RAI1: variants seen among roughly 807,000 people sequenced by gnomAD.
The protein encoded by RAI1 is retinoic acid-induced protein 1.
Under a neutral mutation model 123.8 loss-of-function variants are expected in RAI1, and 9 were observed. The observed-to-expected ratio is 0.07, with a 90% CI of 0.04 to 0.13. The LOEUF is 0.13. Ranked by LOEUF, RAI1 falls within the 10% of genes least tolerant of loss-of-function variation. The pLI is 1.00. For synonymous variants in RAI1, 1,231 were observed against 1,127.3 expected (o/e 1.09, Z -1.84); for missense variants, 2,256 against 2,545.8 (o/e 0.89, Z 2.45).
rs2032384477 is a variant in RAI1 at position 17,799,487 on chromosome 17, C to T, written c.5565+974C>T. Among the ~76,000 whole-genome samples, 1 of 152,128 alleles carries T rather than the reference C, an allele frequency of 6.6e-6. No homozygotes were observed. The highest frequency in any genetic ancestry group is 1.5e-5 in the Non-Finnish European group (1 of 68,008). Reference sequence around the variant, plus strand: ...CCCCGGGGCCATGCTTCTGCCCCCACATTCAACCCCGACTCCACTGCCTCA... The same window carrying T: ...CCCCGGGGCCATGCTTCTGCCCCCATATTCAACCCCGACTCCACTGCCTCA... On this transcript the variant is annotated intron_variant, in intron 3 of 5. Transcript: ENST00000353383. This position sits in a 1 kb window ranked among gnomAD's most constrained non-coding sequence, Gnocchi z 4.5.
chr17:17,782,842 G>T (rs1456332223), intron 2 of RAI1, among the ~76,000 whole-genome samples: 2 of 152,162 alleles, frequency 1.3e-5, no homozygotes, highest in African/African-American at 4.8e-5. Context: ...CTTAGATTTT[G>T]CTCTCGGCCT....
rs1214362796 is a variant in RAI1, at chr17:17,692,517, C to G, written c.-149+10724C>G. On this transcript the variant is annotated intron_variant, in intron 1 of 5. Coordinates refer to ENST00000353383, the MANE Select transcript of RAI1 (RefSeq NM_030665.4). Reference sequence around the variant, plus strand: ...TGATCTGCCTGAGGTCACACAGCAACCAAGTGGCAGAGCTAGGATTAGAAA... The same window carrying G: ...TGATCTGCCTGAGGTCACACAGCAAGCAAGTGGCAGAGCTAGGATTAGAAA... Among the ~76,000 whole-genome samples the G allele has an allele frequency of 2.0e-5, 3 of 152,208 alleles. 1 individual carries two copies. Among genetic ancestry groups the G allele is most frequent in the Admixed American group, 2.0e-4 (3 of 15,292 alleles).
In RAI1 at chr17:17,688,439, C is replaced by G. The variant is rs889864780; in HGVS notation, c.-149+6646C>G. 2.0e-5 allele frequency among the ~76,000 whole-genome samples: 3 copies of G among 150,056 alleles called. No homozygotes were observed. In the East Asian group the frequency reaches 6.0e-4, roughly 30 times the overall value. Reference sequence around the variant, plus strand: ...GGTGGAAGTTGGAATGAGCCAAGATCGTGCCTCTGCACTCCAGCCTGGGTG... The same window carrying G: ...GGTGGAAGTTGGAATGAGCCAAGATGGTGCCTCTGCACTCCAGCCTGGGTG... On this transcript the variant is annotated intron_variant, in intron 1 of 5. Coordinates refer to ENST00000353383, the MANE Select transcript of RAI1 (RefSeq NM_030665.4).
chr17:17,764,953 G>A (rs2030864401), intron 2 of RAI1, among the ~76,000 whole-genome samples: 1 of 152,168 alleles, frequency 6.6e-6, no homozygotes, highest in South Asian at 2.1e-4. Context: ...TTTCATTATT[G>A]TGTAGTATTC....
intron 1 of RAI1, among the ~76,000 whole-genome samples, chr17:17,690,897 TTCAGTCTGGTGCTC>T (rs1240184655): frequency 1.3e-5 from 2 of 152,206 alleles, no homozygotes; most frequent in African/African-American, 4.8e-5. Context: ...AGAGCTGGCT[TTCAGTCTGGTGCTC>T]TCTGGTGCTT....
At chr17:17,743,760 G>C (rs547972628) in intron 2 of RAI1, among the ~76,000 whole-genome samples, 1 of 152,374 alleles carries the variant, frequency 6.6e-6, no homozygotes, top group African/African-American at 2.4e-5. Flanking sequence ...AATCCTTAGA[G>C]GTGGCCTGGG....
At chr17:17,747,360 T>A (rs969446615) in intron 2 of RAI1, among the ~76,000 whole-genome samples, 3 of 152,168 alleles carry the variant, frequency 2.0e-5, no homozygotes, top group Non-Finnish European at 2.9e-5. Context: ...GGCTGACTAG[T>A]GGCCTGTCAG....
intron 2 of RAI1, among the ~76,000 whole-genome samples, chr17:17,745,578 G>C (rs573453001): frequency 6.6e-6 from 1 of 151,926 alleles, no homozygotes; most frequent in Non-Finnish European, 1.5e-5. Flanking sequence ...TGTATTTTTT[G>C]GTAAAGACAG....
intron 2 of RAI1, among the ~76,000 whole-genome samples, chr17:17,774,364 G>A (rs1206960670): frequency 6.6e-6 from 1 of 152,248 alleles, no homozygotes; most frequent in Non-Finnish European, 1.5e-5. Flanking sequence ...GACTCCTGAG[G>A]CCCTGGTCTG....
rs574733878 is a variant in RAI1 at position 17,748,525 on chromosome 17, C to T, written c.-17+24366C>T. ...GTCATGTTTAATTTGTACCAACAAC[C>T]CTGTGAGATAGGAAATAGCTTCCGT... On this transcript the variant is annotated intron_variant, in intron 2 of 5. Coordinates refer to ENST00000353383, the MANE Select transcript of RAI1 (RefSeq NM_030665.4). Among the ~76,000 whole-genome samples the T allele has an allele frequency of 2.6e-5, 4 of 152,296 alleles. No individual in the cohort carries two copies. In the South Asian group the frequency reaches 8.3e-4, roughly 32 times the overall value.
Position 17,797,773 on chromosome 17 carries a change from A to C in RAI1, c.4825A>C (p.Thr1609Pro), listed in dbSNP as rs773674074. The C allele has an allele frequency of 6.2e-7, 1 of 1,613,910 alleles. No individual in the cohort carries two copies. Among genetic ancestry groups the C allele is most frequent in the African/African-American group, 1.3e-5 (1 of 74,980 alleles). ...VRVEKRDAFT[T>P]ICTVVNSPGD... is the part of the protein sequence containing the mutation. ...GGTGGAGAAGCGAGACGCGTTCACC[A>C]CCATATGCACTGTTGTCAACTCCCC... Residue 1609 changes from threonine to proline, a missense_variant, in exon 3 of 6, where the codon ACC becomes CCC. Physicochemically the swap from Thr to Pro is conservative, Grantham distance 38 (BLOSUM62 -1). Coordinates refer to ENST00000353383, the MANE Select transcript of RAI1 (RefSeq NM_030665.4).
intron 2 of RAI1, among the ~76,000 whole-genome samples, chr17:17,732,751 C>T (rs1236495490): frequency 1.3e-5 from 2 of 152,190 alleles, no homozygotes; most frequent in African/African-American, 2.4e-5. Flanking sequence ...AAACCTGCTT[C>T]GTGCAGTCCT....
At chr17:17,735,763 C>T (rs886497577) in intron 2 of RAI1, among the ~76,000 whole-genome samples, 3 of 152,220 alleles carry the variant, frequency 2.0e-5, no homozygotes, top group Non-Finnish European at 4.4e-5. Context: ...AGCAGATGCC[C>T]AACCTGTGCC....
chr17:17,688,330 A>G (rs1330043754), intron 1 of RAI1, among the ~76,000 whole-genome samples: 1 of 151,900 alleles, frequency 6.6e-6, no homozygotes, highest in Non-Finnish European at 1.5e-5. Context: ...CTAAAAATAC[A>G]AAAATTAGTC....
At chr17:17,735,244 G>C (rs1215674373) in intron 2 of RAI1, among the ~76,000 whole-genome samples, 2 of 151,596 alleles carry the variant, frequency 1.3e-5, no homozygotes, top group Non-Finnish European at 2.9e-5. Flanking sequence ...GGTAGAGATG[G>C]GGTTTCACCA....
At chr17:17,802,051 T>C (rs1228312387) in intron 3 of RAI1, 3 of 470,736 alleles carry the variant, frequency 6.4e-6, no homozygotes, top group Non-Finnish European at 8.8e-6. Context: ...ACGGTGGCAC[T>C]GTGGCTCTGG....
At chr17:17,775,081 T>C (rs1275912449) in intron 2 of RAI1, among the ~76,000 whole-genome samples, 2 of 152,056 alleles carry the variant, frequency 1.3e-5, no homozygotes, top group Non-Finnish European at 2.9e-5. Flanking sequence ...ATATTGCAGG[T>C]AGAAATAGAA....
chr17:17,754,807 G>A (rs925726529), intron 2 of RAI1, among the ~76,000 whole-genome samples: 3 of 152,208 alleles, frequency 2.0e-5, no homozygotes, highest in South Asian at 2.1e-4. Context: ...TGCAAGGCCC[G>A]TCTCTGCACA....
intron 2 of RAI1, among the ~76,000 whole-genome samples, chr17:17,781,471 T>C (rs1267981489): frequency 6.6e-6 from 1 of 152,092 alleles, no homozygotes; most frequent in Non-Finnish European, 1.5e-5. Flanking sequence ...GGTGGCCTTT[T>C]GGAGAGCAGA....
Sources: allele counts gnomAD v4.1 joint callset (sites outside exome capture counted in the v4.1 genomes callset), GRCh38; gene constraint gnomAD v4.1.1; non-coding constraint Gnocchi (gnomAD v3.1); transcripts MANE v1.5; gene names NCBI Gene and HGNC (gene_info 2026-07-23, HGNC 2026-07-21).